SMC1B: variants seen among roughly 807,000 people sequenced by gnomAD.
SMC1B encodes structural maintenance of chromosomes 1B, also known as structural maintenance of chromosomes protein 1B.
Under a neutral mutation model 157.9 loss-of-function variants are expected in SMC1B, and 60 were observed. That is an observed-to-expected ratio of 0.38 (90% CI 0.31 to 0.47). The LOEUF is 0.47. Among genes scored for constraint, SMC1B ranks in the 20% least tolerant of loss-of-function variants. The pLI, the probability that SMC1B is intolerant of heterozygous loss-of-function variation, is 0.99. For missense variants in SMC1B, 1,165 were observed against 1,426.2 expected, an observed-to-expected ratio of 0.82 and a Z score of 2.95; for synonymous variants, 445 against 483.0, an observed-to-expected ratio of 0.92 and a Z score of 1.03.
rs540356397 is a variant in SMC1B, at chr22:45,362,599, C to CAACTCAA, written c.2562+279_2562+285dup. Among the ~76,000 whole-genome samples the CAACTCAA allele has an allele frequency of 8.3e-4, 127 of 152,310 alleles. No individual in the cohort carries two copies. In the East Asian group the frequency reaches 0.021, roughly 25 times the overall value. ...AATTGCCATCTAGACATCACATAGG[C>CAACTCAA]AACTCAAGCTCCACAGGTCCAGAAT... On this transcript the variant is annotated intron_variant, in intron 16 of 24. Transcript: ENST00000357450.
At chr22:45,346,825 G>A (rs1201854428) in intron 23 of SMC1B, among the ~76,000 whole-genome samples, 1 of 152,198 alleles carries the variant, frequency 6.6e-6, no homozygotes, top group Non-Finnish European at 1.5e-5. Flanking sequence ...AGTGGAGGGT[G>A]CTTCATAGTT....
chr22:45,362,739 C>A, intron 16 of SMC1B, 146 bp downstream of exon 16: 3 of 648,502 alleles, frequency 4.6e-6, no homozygotes, highest in Non-Finnish European at 7.7e-6. Context: ...ATTCATAAAG[C>A]TCTGCTGATT....
At chr22:45,413,036 G>A (rs2087366415) in intron 1 of SMC1B, among the ~76,000 whole-genome samples, 1 of 141,110 alleles carries the variant, frequency 7.1e-6, no homozygotes, top group Non-Finnish European at 1.5e-5. Flanking sequence ...GGGCGGAGAG[G>A]AAGCGTCAGG....
chr22:45,349,682 C>T, intron 23 of SMC1B, 46 bp downstream of exon 23: 1 of 1,528,592 alleles, frequency 6.5e-7, no homozygotes, highest in Non-Finnish European at 9.0e-7. Flanking sequence ...CTCACATGAT[C>T]CTTGAATTGT....
At position 45,354,137 on chromosome 22, in the gene SMC1B, G is replaced by A. The variant is rs71313007; in HGVS notation, c.3119-5C>T. ...CCTTTCTGCTGGCCTCAAAAGCTAA[G>A]AGAGAATCAATGTTCTTTATTTTAG... is the stretch of plus-strand genomic sequence containing the variant. On this transcript the variant is annotated splice_region_variant and splice_polypyrimidine_tract_variant and intron_variant, in intron 20 of 24. Coordinates refer to ENST00000357450, the MANE Select transcript of SMC1B (RefSeq NM_148674.5). 11 of 1,540,076 alleles carry A rather than the reference G, an allele frequency of 7.1e-6. No individual in the cohort carries two copies. The highest frequency in any genetic ancestry group is 9.6e-6 in the Non-Finnish European group (11 of 1,151,238).
At chr22:45,372,945 T>C (rs571041661) in intron 12 of SMC1B, among the ~76,000 whole-genome samples, 3 of 152,104 alleles carry the variant, frequency 2.0e-5, no homozygotes, top group Admixed American at 2.0e-4. Context: ...GATCTCCTGA[T>C]CTTGTGATCC....
chr22:45,358,255 C>T (rs2086688170), intron 19 of SMC1B, among the ~76,000 whole-genome samples: 1 of 152,144 alleles, frequency 6.6e-6, no homozygotes, highest in African/African-American at 2.4e-5. Flanking sequence ...AAAGTATTCC[C>T]CTGAGTTCTA....
Position 45,394,654 on chromosome 22 carries a change from T to C in SMC1B, c.1337+31A>G, listed in dbSNP as rs560642548. On this transcript the variant is annotated intron_variant, in intron 8 of 24. Transcript: ENST00000357450. Reference sequence around the variant, plus strand: ...CCTCTCTCAAAAAATAAAAGAAAATTGCTGCAAGAAATTTTTTTTACTCTA... The same window carrying C: ...CCTCTCTCAAAAAATAAAAGAAAATCGCTGCAAGAAATTTTTTTTACTCTA... 3.5e-5 allele frequency: 52 copies of C among 1,493,892 alleles called. No individual in the cohort carries two copies. The South Asian group carries it at 6.3e-4, about 18-fold the overall frequency. The allele number at this position is 1,493,892 out of a possible 1,614,324, so 92.5% of individuals were successfully genotyped here. A position where few individuals can be genotyped will look rare whatever the true frequency, so the allele number is the denominator to read the frequency against.
chr22:45,350,809 T>C (rs186425276), intron 22 of SMC1B, among the ~76,000 whole-genome samples: 1 of 152,116 alleles, frequency 6.6e-6, no homozygotes, highest in East Asian at 1.9e-4. Context: ...CCCGTACCTG[T>C]CAGCAAATTC....
intron 15 of SMC1B, among the ~76,000 whole-genome samples, chr22:45,367,702 T>C (rs1032008085): frequency 6.6e-6 from 1 of 152,208 alleles, no homozygotes; most frequent in African/African-American, 2.4e-5. Context: ...AGGAAGCTGG[T>C]TGTCCACCTT....
At chr22:45,361,553 G>T (rs950381352) in intron 17 of SMC1B, among the ~76,000 whole-genome samples, 1 of 152,130 alleles carries the variant, frequency 6.6e-6, no homozygotes, top group Non-Finnish European at 1.5e-5. Context: ...ATTTGAACCC[G>T]GGAAGCAAAG....
At chr22:45,412,070 G>A (rs893405147) in intron 1 of SMC1B, among the ~76,000 whole-genome samples, 1 of 152,036 alleles carries the variant, frequency 6.6e-6, no homozygotes, top group Admixed American at 6.6e-5. Context: ...GTACAGACAG[G>A]GGTTTCACTA....
chr22:45,355,733 C>G (rs74280485), intron 19 of SMC1B, among the ~76,000 whole-genome samples: 1 of 139,700 alleles, frequency 7.2e-6, no homozygotes, highest in Non-Finnish European at 1.6e-5. Flanking sequence ...AGAAAAAGTG[C>G]CACGCCCTTC....
chr22:45,344,844 C>T (rs1300664094), intron 24 of SMC1B, among the ~76,000 whole-genome samples, 187 bp from the exon 25 acceptor site: 1 of 152,046 alleles, frequency 6.6e-6, no homozygotes, highest in Non-Finnish European at 1.5e-5. Flanking sequence ...ATTACTCATG[C>T]ATTATATTTC....
At chr22:45,389,983 GCAGA>G (rs754588079) in intron 9 of SMC1B, 86 bp from the exon 10 acceptor site, 3 of 1,154,236 alleles carry the variant, frequency 2.6e-6, no homozygotes, top group Admixed American at 2.4e-5. Context: ...ACAAAGTAGC[GCAGA>G]CAAAAACTAA....
intron 15 of SMC1B, among the ~76,000 whole-genome samples, chr22:45,367,733 A>G (rs2086790374): frequency 6.6e-6 from 1 of 152,224 alleles, no homozygotes; most frequent in Non-Finnish European, 1.5e-5. Context: ...TTTCCAGGGT[A>G]GTAACCACGA....
chr22:45,403,616 GC>G (rs2087222431), intron 4 of SMC1B, among the ~76,000 whole-genome samples: 1 of 152,106 alleles, frequency 6.6e-6, no homozygotes, highest in Non-Finnish European at 1.5e-5. Context: ...ACCACACCAG[GC>G]AAAGTTTTTT....
chr22:45,356,281 C>T (rs1391954818), intron 19 of SMC1B, among the ~76,000 whole-genome samples: 1 of 152,188 alleles, frequency 6.6e-6, no homozygotes, highest in Non-Finnish European at 1.5e-5. Context: ...GTCCACCATC[C>T]TCCTCCCTCT....
At position 45,371,456 on chromosome 22, in the gene SMC1B, T is replaced by C. The variant is rs766303331; in HGVS notation, c.2313+15A>G. 5 of 1,574,272 alleles carry C rather than the reference T, an allele frequency of 3.2e-6. No individual in the cohort carries two copies. Among genetic ancestry groups the C allele is most frequent in the Non-Finnish European group, 4.3e-6 (5 of 1,165,552 alleles). ...ACTACATATACCATTTAGGAATAAA[T>C]ATAACATTCATGACCTTATCTATCT... On this transcript the variant is annotated intron_variant, in intron 14 of 24. Transcript: ENST00000357450.
Sources: gnomAD v4.1 joint callset for allele counts (sites outside exome capture counted in the v4.1 genomes callset) on GRCh38, gnomAD v4.1.1 for gene constraint, MANE v1.5 for transcripts, NCBI Gene and HGNC (gene_info 2026-07-23, HGNC 2026-07-21) for gene names.